Variants in MCTP2 observed in about 807,000 individuals in gnomAD.
MCTP2 encodes the protein multiple C2 and transmembrane domain-containing protein 2.
Under a neutral mutation model 111.6 loss-of-function variants are expected in MCTP2, and 132 were observed. The ratio of observed to expected loss-of-function variants is 1.18; its 90% CI spans 1.03 to 1.37. The LOEUF (loss-of-function observed/expected upper bound fraction) is 1.37. Among genes scored for constraint, MCTP2 ranks in the 40% most tolerant of loss-of-function variants. The pLI, the probability that MCTP2 is intolerant of heterozygous loss-of-function variation, is 0.00. For synonymous variants in MCTP2, 395 were observed against 387.7 expected (o/e 1.02, Z -0.22); for missense variants, 1,183 against 1,067.9 (o/e 1.11, Z -1.50).
chr15:94,473,906 G>T (rs1424842468), intron 21 of MCTP2, among the ~76,000 whole-genome samples: 1 of 152,000 alleles, frequency 6.6e-6, no homozygotes, highest in Non-Finnish European at 1.5e-5. Context: ...GTGACCAAAT[G>T]TGCAAAGCAG....
chr15:94,457,245 G>C (rs1292488855), intron 19 of MCTP2, among the ~76,000 whole-genome samples: 1 of 152,140 alleles, frequency 6.6e-6, no homozygotes, highest in Non-Finnish European at 1.5e-5. Flanking sequence ...AAGGGAGCTA[G>C]AACATAGCAT....
intron 1 of MCTP2, among the ~76,000 whole-genome samples, chr15:94,277,139 C>T (rs1204887749): frequency 6.6e-6 from 1 of 152,100 alleles, no homozygotes; most frequent in Non-Finnish European, 1.5e-5. Context: ...TGCTTTTCTA[C>T]ATACTATCAG....
chr15:94,317,252 G>A (rs2076415805), intron 4 of MCTP2, among the ~76,000 whole-genome samples: 2 of 151,914 alleles, frequency 1.3e-5, no homozygotes, highest in South Asian at 4.2e-4. Flanking sequence ...TCTCTGGAGC[G>A]GTTTGCTTAT....
At chr15:94,353,270 T>C (rs1567503689) in intron 8 of MCTP2, among the ~76,000 whole-genome samples, 1 of 152,190 alleles carries the variant, frequency 6.6e-6, no homozygotes, top group South Asian at 2.1e-4. Flanking sequence ...TATGGTGTAA[T>C]GCAGCGAGTG....
chr15:94,340,410 T>A (rs2077573303), intron 6 of MCTP2, 135 bp downstream of exon 6: 1 of 679,502 alleles, frequency 1.5e-6, no homozygotes, highest in Non-Finnish European at 2.5e-6. Context: ...TAAAGTGTTA[T>A]AACTGTCAGT....
chr15:94,407,838 G>A (rs1272163609), intron 17 of MCTP2, among the ~76,000 whole-genome samples: 1 of 151,300 alleles, frequency 6.6e-6, no homozygotes, highest in Non-Finnish European at 1.5e-5. Context: ...CGAAGAAGCA[G>A]AGGACATTTG....
At chr15:94,394,367 T>G (rs192916718) in intron 14 of MCTP2, among the ~76,000 whole-genome samples, 9 of 152,276 alleles carry the variant, frequency 5.9e-5, no homozygotes, top group Admixed American at 5.2e-4. Flanking sequence ...TGAGCACTTA[T>G]AGTGTAAGCT....
intron 12 of MCTP2, among the ~76,000 whole-genome samples, chr15:94,375,688 G>C (rs1053433543): frequency 1.3e-5 from 2 of 152,060 alleles, no homozygotes; most frequent in African/African-American, 4.8e-5. Flanking sequence ...TCTTTCCGTT[G>C]TTAATAAAGG....
At chr15:94,457,848 CGCGGCAGCCTCCACGGGGAA>C (rs1596785009) in intron 19 of MCTP2, among the ~76,000 whole-genome samples, 1 of 152,050 alleles carries the variant, frequency 6.6e-6, no homozygotes, top group East Asian at 1.9e-4. Context: ...CTGCGAGGGA[CGCGGCAGCCTCCACGGGGAA>C]GTGAAGTGCT....
chr15:94,320,201 G>A (rs999393406), intron 4 of MCTP2, among the ~76,000 whole-genome samples: 1 of 150,076 alleles, frequency 6.7e-6, no homozygotes. Flanking sequence ...GGAGTGCGGT[G>A]GCACAGACTC....
chr15:94,356,635 A>G (rs2078641886), intron 9 of MCTP2, among the ~76,000 whole-genome samples: 1 of 152,208 alleles, frequency 6.6e-6, no homozygotes, highest in Non-Finnish European at 1.5e-5. Context: ...TCAAAATGCT[A>G]CAAAAATAGA....
intron 14 of MCTP2, among the ~76,000 whole-genome samples, chr15:94,393,921 G>C (rs2081130511): frequency 6.6e-6 from 1 of 151,638 alleles, no homozygotes; most frequent in African/African-American, 2.4e-5. Flanking sequence ...GTGGTGGCGT[G>C]CTTCTGTAAT....
intron 1 of MCTP2, among the ~76,000 whole-genome samples, chr15:94,256,113 A>G (rs893068535): frequency 4.6e-5 from 7 of 152,238 alleles, no homozygotes; most frequent in East Asian, 1.9e-4. Context: ...GAGTGCAGAC[A>G]TAATGACACA....
At chr15:94,233,646 T>C (rs1474555818) in intron 1 of MCTP2, among the ~76,000 whole-genome samples, 1 of 152,192 alleles carries the variant, frequency 6.6e-6, no homozygotes, top group African/African-American at 2.4e-5. Context: ...GTACTACTTC[T>C]GGAAATTGTA....
intron 1 of MCTP2, among the ~76,000 whole-genome samples, chr15:94,237,067 T>A (rs1484570102): frequency 6.6e-6 from 1 of 152,286 alleles, no homozygotes; most frequent in East Asian, 1.9e-4. Context: ...CAGAGAATTA[T>A]GACCTTCATG....
chr15:94,315,108 C>CG (rs2076320921), intron 3 of MCTP2, among the ~76,000 whole-genome samples: 1 of 152,076 alleles, frequency 6.6e-6, no homozygotes, highest in African/African-American at 2.4e-5. Context: ...GAGAACAGGA[C>CG]GGGGCATCTT....
At chr15:94,288,926 G>A (rs554440567) in intron 1 of MCTP2, among the ~76,000 whole-genome samples, 2 of 152,288 alleles carry the variant, frequency 1.3e-5, no homozygotes, top group South Asian at 4.1e-4. Flanking sequence ...GGGGATGACA[G>A]AGGAAAGAGT....
chr15:94,454,264 A>G (rs547125334), intron 19 of MCTP2, among the ~76,000 whole-genome samples: 1 of 152,352 alleles, frequency 6.6e-6, no homozygotes, highest in South Asian at 2.1e-4. Flanking sequence ...GATGGAGCAA[A>G]TATTACAACT....
intron 14 of MCTP2, among the ~76,000 whole-genome samples, chr15:94,397,635 T>A (rs944718236): frequency 6.6e-6 from 1 of 152,196 alleles, no homozygotes; most frequent in African/African-American, 2.4e-5. Context: ...GCCTATTCAA[T>A]CAGAGAGAGG....
Sources: gnomAD v4.1 joint callset for allele counts (sites outside exome capture counted in the v4.1 genomes callset) on GRCh38, gnomAD v4.1.1 for gene constraint, MANE v1.5 for transcripts, NCBI Gene and HGNC (gene_info 2026-07-23, HGNC 2026-07-21) for gene names.